Variants in CACNA2D3 observed in about 807,000 individuals in gnomAD.
CACNA2D3 encodes the protein voltage-dependent calcium channel subunit alpha-2/delta-3.
Under a neutral mutation model 160.6 loss-of-function variants are expected in CACNA2D3, and 60 were observed. The ratio of observed to expected loss-of-function variants is 0.37; its 90% CI spans 0.30 to 0.46. CACNA2D3 has a LOEUF of 0.46. Among genes scored for constraint, CACNA2D3 ranks in the 20% least tolerant of loss-of-function variants. The pLI is 1.00. For synonymous variants in CACNA2D3, 558 were observed against 492.9 expected (o/e 1.13, Z -1.75); for missense variants, 1,205 against 1,365.0 (o/e 0.88, Z 1.85).
chr3:54,701,013 G>A (rs1042969650), intron 11 of CACNA2D3, among the ~76,000 whole-genome samples: 1 of 152,204 alleles, frequency 6.6e-6, no homozygotes, highest in Non-Finnish European at 1.5e-5. Context: ...AGCACAGGCT[G>A]CAGAATTCTC....
chr3:54,380,612 C>G (rs1699085853), intron 3 of CACNA2D3, among the ~76,000 whole-genome samples: 1 of 151,990 alleles, frequency 6.6e-6, no homozygotes, highest in African/African-American at 2.4e-5. Flanking sequence ...GTAGCGGGCA[C>G]CTGTAGTCCC....
chr3:54,273,319 G>A (rs1702659966), intron 2 of CACNA2D3, among the ~76,000 whole-genome samples: 1 of 152,028 alleles, frequency 6.6e-6, no homozygotes, highest in South Asian at 2.1e-4. Context: ...TTCAGAAGTG[G>A]GAAAATATAT....
At chr3:54,987,916 G>A (rs1702652941) in intron 31 of CACNA2D3, among the ~76,000 whole-genome samples, 163 bp downstream of exon 31, 1 of 152,058 alleles carries the variant, frequency 6.6e-6, no homozygotes, top group South Asian at 2.1e-4. Flanking sequence ...TCTTGCACGA[G>A]TGTTAGAGTG....
intron 31 of CACNA2D3, among the ~76,000 whole-genome samples, chr3:55,003,262 T>C (rs978992988): frequency 2.0e-5 from 3 of 152,176 alleles, no homozygotes; most frequent in African/African-American, 7.2e-5. Context: ...CGACTTTACA[T>C]GTCTCTCCTT....
rs1301912822 is a variant in CACNA2D3 at position 55,059,095 on chromosome 3, A to G, written c.2988-14350A>G. On this transcript the variant is annotated intron_variant, in intron 35 of 37. Coordinates refer to ENST00000474759, the MANE Select transcript of CACNA2D3 (RefSeq NM_018398.3). ...TCACACTTTGACTTTGCCAGATCACATAAAGGGAGATGTTTAACTTCCCAG... is the reference window on the plus strand; with the variant it reads ...TCACACTTTGACTTTGCCAGATCACGTAAAGGGAGATGTTTAACTTCCCAG... Among the ~76,000 whole-genome samples the G allele has an allele frequency of 2.0e-5, 3 of 152,248 alleles. No individual in the cohort carries two copies. The East Asian group carries it at 5.8e-4, about 29-fold the overall frequency.
chr3:54,414,801 C>CT lies in CACNA2D3; in HGVS notation c.381+28044dup, dbSNP rs34567327. On this transcript the variant is annotated intron_variant, in intron 4 of 37. Transcript: ENST00000474759. ...CTTGGCTCTTTTATTATTCTTTTAACTTTTTTTTTTTTTTTTTCCAACTGG... is the reference window on the plus strand; with the variant it reads ...CTTGGCTCTTTTATTATTCTTTTAACTTTTTTTTTTTTTTTTTTCCAACTGG... 1.6e-3 allele frequency among the ~76,000 whole-genome samples: 224 copies of CT among 138,542 alleles called. 1 individual carries two copies. The highest frequency in any genetic ancestry group is 7.6e-3 in the Middle Eastern group (2 of 262). The allele number at this position is 138,542 out of a possible 152,430, so 90.9% of individuals were successfully genotyped here.
Position 54,698,242 on chromosome 3 carries a change from A to G in CACNA2D3, c.1168-54357A>G, listed in dbSNP as rs186665674. Among the ~76,000 whole-genome samples the G allele has an allele frequency of 2.0e-3, 310 of 152,304 alleles. 1 individual carries two copies. Among genetic ancestry groups the G allele is most frequent in the African/African-American group, 6.8e-3 (282 of 41,574 alleles). On this transcript the variant is annotated intron_variant, in intron 11 of 37. Coordinates refer to ENST00000474759, the MANE Select transcript of CACNA2D3 (RefSeq NM_018398.3). ...GTAGTCTCAGGAATGTGAATAGCAA[A>G]TTAGGGGGTGTAGGTTTGGACATCA...
Position 54,879,060 on chromosome 3 carries a change from A to G in CACNA2D3, c.1753A>G (p.Met585Val), listed in dbSNP as rs1434467485. The G allele has an allele frequency of 2.5e-6, 4 of 1,606,464 alleles. No individual in the cohort carries two copies. The highest frequency in any genetic ancestry group is 1.7e-5 in the Admixed American group (1 of 58,152). The change falls in exon 19 of 38, where the codon ATG becomes GTG. Residue 585 changes from methionine to valine, a missense_variant. By Grantham distance (21) the Met-to-Val change is conservative. This residue lies in a region of CACNA2D3 where 911 missense variants were observed against 1,002.2 expected (regional missense o/e 0.91). Transcript: ENST00000474759. ...MVNRKTGKFS[M>V]EVKKTVDKGK... The stretch of plus-strand genomic sequence containing the variant: ...GAATCGAAAGACGGGGAAGTTTTCC[A>G]TGGAGGTGAAGAAGACAGTGGACAA...
At chr3:54,694,514 C>G (rs1242385915) in intron 11 of CACNA2D3, among the ~76,000 whole-genome samples, 1 of 152,222 alleles carries the variant, frequency 6.6e-6, no homozygotes, top group African/African-American at 2.4e-5. Context: ...TGAAGGTATG[C>G]TGTCCTAGAT....
At chr3:54,817,734 C>A (rs1703488922) in intron 14 of CACNA2D3, among the ~76,000 whole-genome samples, 1 of 152,166 alleles carries the variant, frequency 6.6e-6, no homozygotes, top group South Asian at 2.1e-4. Context: ...CACAACTGCT[C>A]TACTAAAGAC....
intron 5 of CACNA2D3, among the ~76,000 whole-genome samples, chr3:54,539,893 C>G (rs940854211): frequency 6.6e-6 from 1 of 152,104 alleles, no homozygotes; most frequent in Non-Finnish European, 1.5e-5. Flanking sequence ...AAGCTGCTGA[C>G]GAGCAGGCCC....
chr3:55,060,738 A>G (rs1704487148), intron 35 of CACNA2D3, among the ~76,000 whole-genome samples: 1 of 152,142 alleles, frequency 6.6e-6, no homozygotes, highest in African/African-American at 2.4e-5. Flanking sequence ...TTCATGTCAT[A>G]ATTAAGAAGA....
intron 5 of CACNA2D3, among the ~76,000 whole-genome samples, chr3:54,522,933 T>TTTACTTACTTAC (rs61291743): frequency 0.017 from 2,307 of 135,358 alleles, 31 homozygotes; most frequent in Non-Finnish European, 0.02. Context: ...TATTTATTTA[T>TTTACTTACTTAC]TTACTTACTT....
At position 54,820,931 on chromosome 3, in the gene CACNA2D3, T is replaced by C. The variant is rs555504981; in HGVS notation, c.1398+4061T>C. Among the ~76,000 whole-genome samples, 59 of 152,298 alleles carry C rather than the reference T, an allele frequency of 3.9e-4. 1 individual carries two copies. Among genetic ancestry groups the C allele is most frequent in the Middle Eastern group, 6.8e-3 (2 of 294 alleles). On this transcript the variant is annotated intron_variant, in intron 14 of 37. Coordinates refer to ENST00000474759, the MANE Select transcript of CACNA2D3 (RefSeq NM_018398.3). ...AGATTCTGTCTATAGGAGCTAAACA[T>C]CAGTTATTCACTGCAGGATTAATTT...
intron 4 of CACNA2D3, among the ~76,000 whole-genome samples, chr3:54,458,844 C>A (rs981693378): frequency 1.3e-5 from 2 of 151,790 alleles, no homozygotes; most frequent in African/African-American, 4.8e-5. Context: ...CATATGTATA[C>A]ATGTGCCATG....
intron 27 of CACNA2D3, among the ~76,000 whole-genome samples, chr3:54,935,448 A>T (rs1701304181): frequency 6.6e-6 from 1 of 152,230 alleles, no homozygotes; most frequent in South Asian, 2.1e-4. Flanking sequence ...ATGCTAGTTG[A>T]CATAAAGTTA....
intron 2 of CACNA2D3, among the ~76,000 whole-genome samples, chr3:54,310,391 A>G (rs554663703): frequency 6.6e-6 from 1 of 152,330 alleles, no homozygotes; most frequent in Non-Finnish European, 1.5e-5. Context: ...TTATGTCATA[A>G]TAAGAAAACG....
chr3:54,468,047 AGAT>A (rs1414780882), intron 4 of CACNA2D3, among the ~76,000 whole-genome samples: 1 of 152,206 alleles, frequency 6.6e-6, no homozygotes, highest in East Asian at 1.9e-4. Flanking sequence ...CAAAAAATGG[AGAT>A]GATAATAATA....
Position 54,764,208 on chromosome 3 carries a change from G to A in CACNA2D3, c.1247-10G>A, listed in dbSNP as rs1702176080. 10 of 1,613,166 alleles carry A rather than the reference G, an allele frequency of 6.2e-6. No individual in the cohort carries two copies. The highest frequency in any genetic ancestry group is 8.5e-6 in the Non-Finnish European group (10 of 1,179,574). On this transcript the variant is annotated splice_polypyrimidine_tract_variant and intron_variant, in intron 12 of 37. Coordinates refer to ENST00000474759, the MANE Select transcript of CACNA2D3 (RefSeq NM_018398.3). ...GTTACTAAACTTGGCCCTCCCTTGG[G>A]TTTTGACAGGATTTTTTACCCAGAT...
Sources: gnomAD v4.1 joint callset for allele counts (sites outside exome capture counted in the v4.1 genomes callset) on GRCh38, gnomAD v4.1.1 for gene constraint, gnomAD v4.1.1 regional missense constraint, MANE v1.5 for transcripts, NCBI Gene and HGNC (gene_info 2026-07-23, HGNC 2026-07-21) for gene names.